Variants in MTARC1 observed in about 807,000 individuals in gnomAD.
MTARC1 encodes mitochondrial amidoxime reducing component 1, also known as mitochondrial amidoxime-reducing component 1.
A neutral mutation model predicts 33.6 loss-of-function variants in MTARC1; 24 were observed. The ratio of observed to expected loss-of-function variants is 0.72; its 90% CI spans 0.52 to 1.01. The LOEUF is 1.01. Ranked by LOEUF, MTARC1 falls within the 50% of genes least tolerant of loss-of-function variation. The probability of loss-of-function intolerance (pLI) is 0.00; values close to 1 mark genes in which losing one functional copy is unlikely to be tolerated. For synonymous variants in MTARC1, 187 were observed against 189.5 expected (o/e 0.99, Z 0.11); for missense variants, 417 against 445.7 (o/e 0.94, Z 0.58).
chr1:220,809,230 C>T (rs547048291), intron 6 of MTARC1, among the ~76,000 whole-genome samples: 1 of 152,282 alleles, frequency 6.6e-6, no homozygotes, highest in East Asian at 1.9e-4. Context: ...AATACCTCTT[C>T]TGGTAGACTG....
At position 220,813,444 on chromosome 1, in the gene MTARC1, A is replaced by G. The variant is rs375429228; in HGVS notation, c.*26A>G. The stretch of plus-strand genomic sequence containing the variant: ...TGGGAACCGTATGTCCTGGAATATT[A>G]GATGCCTTTTAAAAATGTTCTCAAA... On this transcript the variant is annotated 3_prime_UTR_variant, in exon 7 of 7. Transcript: ENST00000366910. The G allele has an allele frequency of 1.2e-6, 2 of 1,610,990 alleles. No individual in the cohort carries two copies. The highest frequency in any genetic ancestry group is 2.2e-5 in the East Asian group (1 of 44,812).
At chr1:220,792,890 G>A (rs1672474035) in intron 2 of MTARC1, among the ~76,000 whole-genome samples, 1 of 151,906 alleles carries the variant, frequency 6.6e-6, no homozygotes, top group Non-Finnish European at 1.5e-5. Flanking sequence ...GTCCTCTAAT[G>A]CATTTTAATA....
intron 1 of MTARC1, chr1:220,790,940 A>G (rs1672401231): frequency 6.6e-6 from 1 of 152,484 alleles, no homozygotes; most frequent in African/African-American, 2.4e-5. Context: ...AATGGACAGC[A>G]CTGAATGTTG....
Position 220,815,653 on chromosome 1 carries a change from G to T in MTARC1, c.*2235G>T, listed in dbSNP as rs763233817. 4.6e-5 allele frequency: 7 copies of T among 152,336 alleles called. No individual in the cohort carries two copies. Among genetic ancestry groups the T allele is most frequent in the Admixed American group, 3.9e-4 (6 of 15,304 alleles). The allele number at this position is 152,336 out of a possible 1,614,324, so 9.4% of individuals were successfully genotyped here. A position where few individuals can be genotyped will look rare whatever the true frequency, so the allele number is the denominator to read the frequency against. On this transcript the variant is annotated 3_prime_UTR_variant, in exon 7 of 7. Transcript: ENST00000366910. ...TACTTGTGTTTATTTTATATTTAAT[G>T]AGTTGGTTAATGCCAGAGACAAAGC... is the stretch of plus-strand genomic sequence containing the variant.
intron 4 of MTARC1, among the ~76,000 whole-genome samples, chr1:220,801,533 C>T (rs1290801103): frequency 2.0e-5 from 3 of 152,100 alleles, no homozygotes; most frequent in Admixed American, 1.3e-4. Flanking sequence ...AAAGTATTGT[C>T]CAGGAGAAAG....
chr1:220,787,007 G>A lies in MTARC1; in HGVS notation c.63G>A (p.Gly21=). Residue 21 remains glycine (G), a synonymous_variant, in exon 1 of 7, where the codon GGG becomes GGA. Coordinates refer to ENST00000366910, the MANE Select transcript of MTARC1 (RefSeq NM_022746.4). ...RFVLLAQSRP[G]WLGVAALGLT... is the part of the protein sequence containing the mutation. ...TCCTCCTCGCGCAATCCCGGCCCGG[G>A]TGGCTCGGGGTTGCCGCGCTGGGCC... 7.7e-7 allele frequency: 1 copy of A among 1,301,268 alleles called. No homozygotes were observed. Among genetic ancestry groups the A allele is most frequent in the Non-Finnish European group, 9.7e-7 (1 of 1,032,474 alleles). The allele number at this position is 1,301,268 out of a possible 1,614,324, so 80.6% of individuals were successfully genotyped here.
chr1:220,807,135 A>C (rs996854655), intron 6 of MTARC1, among the ~76,000 whole-genome samples: 2 of 151,914 alleles, frequency 1.3e-5, no homozygotes, highest in Non-Finnish European at 2.9e-5. Flanking sequence ...TGTAACTTTC[A>C]CCTCAAAAAA....
rs564692428 is a variant in MTARC1 at position 220,816,897 on chromosome 1, G to T, written c.*3479G>T. The T allele has an allele frequency of 6.6e-6, 1 of 152,346 alleles. No individual in the cohort carries two copies. The highest frequency in any genetic ancestry group is 1.5e-5 in the Non-Finnish European group (1 of 68,198). The allele number at this position is 152,346 out of a possible 1,614,324, so 9.4% of individuals were successfully genotyped here. On this transcript the variant is annotated 3_prime_UTR_variant, in exon 7 of 7. Coordinates refer to ENST00000366910, the MANE Select transcript of MTARC1 (RefSeq NM_022746.4). ...AGGGAGAAGCACTCTCTTTCTTCGG[G>T]ATCATTTTCCAAACATGCATTTTTG...
intron 2 of MTARC1, 61 bp from the exon 3 acceptor site, chr1:220,796,582 C>A (rs6671579): frequency 0.011 from 15,589 of 1,481,772 alleles, 255 homozygotes; most frequent in East Asian, 0.055. Context: ...ATAGCTGGCA[C>A]ATATTAGGGT....
At chr1:220,812,892 T>C (rs1203475558) in intron 6 of MTARC1, among the ~76,000 whole-genome samples, 3 of 151,854 alleles carry the variant, frequency 2.0e-5, no homozygotes, top group Non-Finnish European at 2.9e-5. Flanking sequence ...TCCTGGCTAA[T>C]TTTTTGTATT....
At chr1:220,799,528 G>A (rs970973440) in intron 4 of MTARC1, among the ~76,000 whole-genome samples, 1 of 152,164 alleles carries the variant, frequency 6.6e-6, no homozygotes, top group East Asian at 1.9e-4. Context: ...GAGTGGGGAG[G>A]GTTTTGAATG....
In MTARC1 at chr1:220,818,899, T is replaced by C. The variant is rs1028618257; in HGVS notation, c.*5481T>C. The C allele has an allele frequency of 2.0e-5, 3 of 152,214 alleles. No homozygotes were observed. The highest frequency in any genetic ancestry group is 7.2e-5 in the African/African-American group (3 of 41,450). 9.4% of individuals were successfully genotyped at this position (152,214 alleles called of 1,614,324 possible). A position where few individuals can be genotyped will look rare whatever the true frequency, so the allele number is the denominator to read the frequency against. On this transcript the variant is annotated 3_prime_UTR_variant, in exon 7 of 7. Transcript: ENST00000366910. ...CGGCCGAGGACAGCTGGAGAGCTCT[T>C]CGTTGCAGGCAGCTCTGGTTAACAT...
chr1:220,796,819 C>T lies in MTARC1; in HGVS notation c.612+14C>T, dbSNP rs753366799. 1.3e-6 allele frequency: 2 copies of T among 1,593,408 alleles called. No individual in the cohort carries two copies. Among genetic ancestry groups the T allele is most frequent in the South Asian group, 1.1e-5 (1 of 88,034 alleles). On this transcript the variant is annotated intron_variant, in intron 3 of 6. Transcript: ENST00000366910. ...CCCAAGGACCAGGTGAGAGGTTCTG[C>T]TGCCTCCATGGGTAGAAAGCAGTCA... is the stretch of plus-strand genomic sequence containing the variant.
At position 220,805,206 on chromosome 1, in the gene MTARC1, C is replaced by T; in HGVS notation, c.819C>T (p.Cys273=). 1 of 1,614,044 alleles carries T rather than the reference C, an allele frequency of 6.2e-7. No individual in the cohort carries two copies. Among genetic ancestry groups the T allele is most frequent in the Non-Finnish European group, 8.5e-7 (1 of 1,180,034 alleles). The stretch of plus-strand genomic sequence containing the variant: ...GATGCTCTGTGTGTGTGTCCAGATG[C>T]ATTTTAACCACAGTGGACCCAGACA... The part of the protein sequence containing the change: ...ELKRVMACSR[C]ILTTVDPDTG... Residue 273 remains cysteine, a synonymous_variant, in exon 6 of 7, where the codon TGC becomes TGT. Transcript: ENST00000366910.
At chr1:220,811,727 T>TGTGA in intron 6 of MTARC1, among the ~76,000 whole-genome samples, 2 of 152,360 alleles carry the variant, frequency 1.3e-5, no homozygotes, top group East Asian at 1.9e-4. Context: ...AATCTTGCCA[T>TGTGA]GTGAGTCCCA....
In MTARC1 at chr1:220,786,953, C is replaced by A; in HGVS notation, c.9C>A (p.Ala3=). 8.1e-7 allele frequency: 1 copy of A among 1,241,774 alleles called. No individual in the cohort carries two copies. 76.9% of individuals were successfully genotyped at this position (1,241,774 alleles called of 1,614,324 possible). The stretch of plus-strand genomic sequence containing the variant: ...TCGCGGAGAAGCCAGCCATGGGCGC[C>A]GCCGGCTCCTCCGCGCTGGCGCGCT... MG[A]AGSSALARFV... Residue 3 remains alanine (A), a synonymous_variant, in exon 1 of 7, where the codon GCC becomes GCA. Coordinates refer to ENST00000366910, the MANE Select transcript of MTARC1 (RefSeq NM_022746.4).
intron 6 of MTARC1, among the ~76,000 whole-genome samples, chr1:220,807,741 T>C (rs1213966924): frequency 6.6e-6 from 1 of 152,158 alleles, no homozygotes; most frequent in South Asian, 2.1e-4. Flanking sequence ...TGTCACTATA[T>C]GTGACAGAAC....
chr1:220,806,292 T>C (rs1672970547), intron 6 of MTARC1, among the ~76,000 whole-genome samples: 1 of 152,134 alleles, frequency 6.6e-6, no homozygotes, highest in Non-Finnish European at 1.5e-5. Context: ...AGGTGTCAGG[T>C]CTCTTCTCTA....
At chr1:220,790,195 A>G (rs1672378763) in intron 1 of MTARC1, among the ~76,000 whole-genome samples, 1 of 152,200 alleles carries the variant, frequency 6.6e-6, no homozygotes, top group Non-Finnish European at 1.5e-5. Flanking sequence ...GTCTATACGT[A>G]GGAGTGTGCT....
Sources: allele counts gnomAD v4.1 joint callset (sites outside exome capture counted in the v4.1 genomes callset), GRCh38; gene constraint gnomAD v4.1.1; transcripts MANE v1.5; gene names NCBI Gene and HGNC (gene_info 2026-07-23, HGNC 2026-07-21).